Variants in CNBD1 observed in about 807,000 individuals in gnomAD.
CNBD1 encodes the protein cyclic nucleotide binding domain containing 1, also known as cyclic nucleotide-binding domain-containing protein 1.
CNBD1 carries 71 observed loss-of-function variants against 54.4 expected under a neutral mutation model. That is an observed-to-expected ratio of 1.30 (90% CI 1.08 to 1.59). The LOEUF (loss-of-function observed/expected upper bound fraction) is 1.59, where lower values mean the gene tolerates loss of function less well. CNBD1 is among the 40% of genes most tolerant of loss of function. The probability of loss-of-function intolerance (pLI) is 0.00; values close to 1 mark genes in which losing one functional copy is unlikely to be tolerated. For missense variants in CNBD1, 659 were observed against 518.0 expected (o/e 1.27, Z -2.64); for synonymous variants, 182 against 170.7 (o/e 1.07, Z -0.51).
chr8:87,404,657 G>A (rs113847123), intron 2 of CNBD1, among the ~76,000 whole-genome samples: 2,768 of 152,192 alleles, frequency 0.018, 84 homozygotes, highest in African/African-American at 0.06. Flanking sequence ...AGTACCCACA[G>A]TGTATACATC....
In CNBD1 at chr8:87,191,299, A is replaced by C. The variant is rs189583581; in HGVS notation, c.432-14694A>C. Among the ~76,000 whole-genome samples, 1,084 of 152,250 alleles carry C rather than the reference A, an allele frequency of 7.1e-3. 20 individuals are homozygous for C. Among genetic ancestry groups the C allele is most frequent in the African/African-American group, 0.025 (1,025 of 41,542 alleles). ...AAGCATCAGGCATGCAAAGACAGAG[A>C]GAACTAGGGGAATCAGCAAGCAAAA... On this transcript the variant is annotated intron_variant, in intron 4 of 10. Coordinates refer to ENST00000518476, the MANE Select transcript of CNBD1 (RefSeq NM_173538.3).
chr8:87,408,043 TCACTC>T (rs1191592356), intron 2 of CNBD1, among the ~76,000 whole-genome samples: 1 of 152,086 alleles, frequency 6.6e-6, no homozygotes, highest in African/African-American at 2.4e-5. Flanking sequence ...AAATTTCTGT[TCACTC>T]CATTGTTTTC....
intron 4 of CNBD1, among the ~76,000 whole-genome samples, chr8:86,962,896 T>G (rs1807968333): frequency 6.6e-6 from 1 of 152,090 alleles, no homozygotes; most frequent in Non-Finnish European, 1.5e-5. Context: ...CCCTGAGACA[T>G]GGAGTGCTTT....
intron 8 of CNBD1, among the ~76,000 whole-genome samples, chr8:87,296,621 A>ACGTG (rs35997158): frequency 0.04 from 733 of 18,212 alleles, 7 homozygotes; most frequent in Non-Finnish European, 0.085. Flanking sequence ...ATATATACAC[A>ACGTG]TATATATACA....
chr8:87,412,664 A>G (rs527367528), intron 2 of CNBD1, among the ~76,000 whole-genome samples: 1 of 152,202 alleles, frequency 6.6e-6, no homozygotes, highest in East Asian at 1.9e-4. Context: ...AGGTGTCTCA[A>G]TTGATAGATG....
downstream of CNBD1, among the ~76,000 whole-genome samples, chr8:87,384,864 G>C (rs145450056): frequency 4.2e-3 from 637 of 152,272 alleles, 3 homozygotes; most frequent in Non-Finnish European, 5.2e-3. Flanking sequence ...TGATAAGTTA[G>C]ATGTAGTTGA....
chr8:87,152,655 CA>C (rs1440829502), intron 4 of CNBD1, among the ~76,000 whole-genome samples: 4 of 152,068 alleles, frequency 2.6e-5, no homozygotes. Flanking sequence ...CCATCATCCC[CA>C]AATTCCAAAT....
chr8:86,992,300 A>T (rs1227041313), intron 4 of CNBD1, among the ~76,000 whole-genome samples: 1 of 151,756 alleles, frequency 6.6e-6, no homozygotes, highest in Non-Finnish European at 1.5e-5. Flanking sequence ...TGTTGGTTTT[A>T]AATCTCTTTT....
chr8:87,130,799 G>C (rs1018424141), intron 4 of CNBD1, among the ~76,000 whole-genome samples: 19 of 150,968 alleles, frequency 1.3e-4, no homozygotes, highest in Admixed American at 6.7e-5. Flanking sequence ...AAAAATTCCT[G>C]AGAAAGGATA....
chr8:87,040,423 CTTTTTTTTTTT>C (rs71277911), intron 4 of CNBD1, among the ~76,000 whole-genome samples: 4 of 129,390 alleles, frequency 3.1e-5, no homozygotes, highest in African/African-American at 1.2e-4. Context: ...AATTCTTTTT[CTTTTTTTTTTT>C]TTTTTTTGAG....
intron 6 of CNBD1, among the ~76,000 whole-genome samples, chr8:87,241,175 G>A (rs1807693141): frequency 1.3e-5 from 2 of 151,858 alleles, no homozygotes; most frequent in South Asian, 4.1e-4. Flanking sequence ...TACAGTTGAA[G>A]GAGTTTGTAC....
At chr8:87,290,718 A>G (rs1488072574) in intron 8 of CNBD1, among the ~76,000 whole-genome samples, 1 of 152,106 alleles carries the variant, frequency 6.6e-6, no homozygotes, top group Non-Finnish European at 1.5e-5. Flanking sequence ...TTTACTTTTG[A>G]AAGACAGCTT....
chr8:86,972,959 C>T (rs374442861), intron 4 of CNBD1, among the ~76,000 whole-genome samples: 8 of 152,292 alleles, frequency 5.3e-5, no homozygotes, highest in East Asian at 1.9e-4. Context: ...CTCATCCCCT[C>T]GTTGACTTCC....
At chr8:87,009,125 A>C (rs1290219210) in intron 4 of CNBD1, among the ~76,000 whole-genome samples, 1 of 151,970 alleles carries the variant, frequency 6.6e-6, no homozygotes, top group African/African-American at 2.4e-5. Context: ...ATTACTAAAT[A>C]TCTCTTTAAT....
intron 8 of CNBD1, among the ~76,000 whole-genome samples, chr8:87,316,091 G>A (rs1220132636): frequency 6.6e-6 from 1 of 152,040 alleles, no homozygotes; most frequent in African/African-American, 2.4e-5. Context: ...AGGCTGAGAA[G>A]TGATTCATCT....
chr8:87,383,986 C>T (rs1033645993), downstream of CNBD1, among the ~76,000 whole-genome samples: 2 of 152,014 alleles, frequency 1.3e-5, no homozygotes, highest in Non-Finnish European at 2.9e-5. Context: ...GTAATGATTA[C>T]AAGACATTAG....
intron 2 of CNBD1, among the ~76,000 whole-genome samples, chr8:87,390,894 T>G (rs1045763147): frequency 2.0e-5 from 3 of 152,282 alleles, no homozygotes; most frequent in Middle Eastern, 6.8e-3. Context: ...ATATACACTA[T>G]GTAATACTAT....
At chr8:87,236,023 C>T (rs1335189846) in intron 5 of CNBD1, among the ~76,000 whole-genome samples, 1 of 151,948 alleles carries the variant, frequency 6.6e-6, no homozygotes, top group African/African-American at 2.4e-5. Flanking sequence ...AGAAAAAAAG[C>T]AGACATGGCA....
intron 4 of CNBD1, among the ~76,000 whole-genome samples, chr8:87,089,110 C>G (rs1360193381): frequency 2.0e-5 from 3 of 152,028 alleles, no homozygotes; most frequent in African/African-American, 7.2e-5. Context: ...CAAGAAAGAT[C>G]ACAGCATTTC....
Sources: gnomAD v4.1 joint callset for allele counts (sites outside exome capture counted in the v4.1 genomes callset) on GRCh38, gnomAD v4.1.1 for gene constraint, MANE v1.5 for transcripts, NCBI Gene and HGNC (gene_info 2026-07-23, HGNC 2026-07-21) for gene names.